The following CFAP99 variants were observed in gnomAD, a reference collection of about 807,000 sequenced individuals.
The protein encoded by CFAP99 is cilia- and flagella-associated protein 99.
A neutral mutation model predicts 82.7 loss-of-function variants in CFAP99; 84 were observed. The ratio of observed to expected loss-of-function variants is 1.02; its 90% CI spans 0.85 to 1.22. The LOEUF (loss-of-function observed/expected upper bound fraction) is 1.22. Among genes scored for constraint, CFAP99 ranks in the 50% most tolerant of loss-of-function variants. The probability of loss-of-function intolerance (pLI) is 0.00; values close to 1 mark genes in which losing one functional copy is unlikely to be tolerated. For missense variants in CFAP99, 1,059 were observed against 983.5 expected, an observed-to-expected ratio of 1.08 and a Z score of -1.03; for synonymous variants, 456 against 429.5, an observed-to-expected ratio of 1.06 and a Z score of -0.76.
At chr4:2,430,053 ACG>A in intron 2 of CFAP99, among the ~76,000 whole-genome samples, 1 of 152,030 alleles carries the variant, frequency 6.6e-6, no homozygotes, top group Non-Finnish European at 1.5e-5. Flanking sequence ...CCAGAAAATT[ACG>A]CAATACATAA....
chr4:2,462,792 G>T lies in CFAP99; in HGVS notation c.2011G>T (p.Ala671Ser). 1 of 1,290,382 alleles carries T rather than the reference G, an allele frequency of 7.7e-7. No homozygotes were observed. Among genetic ancestry groups the T allele is most frequent in the South Asian group, 2.3e-5 (1 of 43,346 alleles). The allele number at this position is 1,290,382 out of a possible 1,614,324, so 79.9% of individuals were successfully genotyped here. ...TGGGGGCGTCCCTGCCCGCGCCGACGCGTTCCCCGGCCTGCAGGCGCAGCT... is the reference window on the plus strand; with the variant it reads ...TGGGGGCGTCCCTGCCCGCGCCGACTCGTTCCCCGGCCTGCAGGCGCAGCT... The change falls in exon 15 of 15, where the codon GCG becomes TCG. Residue 671 changes from alanine (A) to serine (S), a missense_variant. Ala to Ser is a moderately conservative substitution (Grantham distance 99). Transcript: ENST00000635017. The surrounding 1 kb of genome is among the most constrained non-coding windows in gnomAD (Gnocchi z 4.1).
At position 2,442,425 on chromosome 4, in the gene CFAP99, G is replaced by T. The variant is rs539285717; in HGVS notation, c.352-705G>T. ...TCCTCTGCATGGAGAAGAGAAGGGC[G>T]TGGAGGCCCGAGGGGAGGCTGCTGG... On this transcript the variant is annotated intron_variant, in intron 4 of 14. Transcript: ENST00000635017. Among the ~76,000 whole-genome samples the T allele has an allele frequency of 3.3e-5, 5 of 152,224 alleles. No individual in the cohort carries two copies. In the South Asian group the frequency reaches 1.0e-3, roughly 32 times the overall value.
intron 11 of CFAP99, among the ~76,000 whole-genome samples, chr4:2,454,410 T>G (rs989783785): frequency 3.9e-5 from 6 of 152,024 alleles, no homozygotes; most frequent in African/African-American, 1.2e-4. Flanking sequence ...GTGCTGGGAT[T>G]ACAGGTGGAA....
At chr4:2,450,921 G>A (rs983473206) in intron 8 of CFAP99, 26 bp from the exon 9 acceptor site, 47 of 1,534,090 alleles carry the variant, frequency 3.1e-5, no homozygotes, top group Non-Finnish European at 3.8e-5. Flanking sequence ...GGTGCCAGGC[G>A]GCCAGCTCTG....
rs570337708 is a variant in CFAP99 at position 2,425,193 on chromosome 4, G to C, written c.-17-1266G>C. On this transcript the variant is annotated intron_variant, in intron 1 of 14. Transcript: ENST00000635017. ...CCTCTTCTCTTGCATGGCAGTGCCT[G>C]GTTTCTAGGCTTTTTCCTGCCTTGT... is the stretch of plus-strand genomic sequence containing the variant. 3.0e-4 allele frequency among the ~76,000 whole-genome samples: 46 copies of C among 152,298 alleles called. No individual in the cohort carries two copies. The South Asian group carries it at 9.3e-3, about 31-fold the overall frequency.
chr4:2,436,104 T>C (rs1330410382), intron 2 of CFAP99, among the ~76,000 whole-genome samples: 2 of 144,748 alleles, frequency 1.4e-5, no homozygotes, highest in East Asian at 4.0e-4. Context: ...AATCTATATA[T>C]ATGTATATAT....
At position 2,420,718 on chromosome 4, in the gene CFAP99, G is replaced by A. The variant is rs181375750; in HGVS notation, c.-18+1625G>A. Among the ~76,000 whole-genome samples the A allele has an allele frequency of 5.6e-4, 86 of 152,282 alleles. 1 individual carries two copies. The highest frequency in any genetic ancestry group is 4.4e-3 in the South Asian group (21 of 4,812). Reference sequence around the variant, plus strand: ...ATATTACTCATATTTTTATAAAAGAGGTCCATGGAGAGGCAATCGTGGTTG... The same window carrying A: ...ATATTACTCATATTTTTATAAAAGAAGTCCATGGAGAGGCAATCGTGGTTG... On this transcript the variant is annotated intron_variant, in intron 1 of 14. Transcript: ENST00000635017.
chr4:2,454,595 T>TTTTTTTTTTTTTTTTTTTTTTTTTTTC, intron 11 of CFAP99, among the ~76,000 whole-genome samples: 1 of 107,950 alleles, frequency 9.3e-6, no homozygotes, highest in Non-Finnish European at 1.8e-5. Context: ...TTTTTTTTTG[T>TTTTTTTTTTTTTTTTTTTTTTTTTTTC]TTTTTTTTTT....
intron 4 of CFAP99, among the ~76,000 whole-genome samples, chr4:2,441,906 A>T (rs1734050064): frequency 6.6e-6 from 1 of 152,190 alleles, no homozygotes. Flanking sequence ...TGTGGCTCCC[A>T]GGAGGTGGCG....
intron 1 of CFAP99, among the ~76,000 whole-genome samples, chr4:2,425,091 G>A (rs981607703): frequency 6.6e-6 from 1 of 152,088 alleles, no homozygotes; most frequent in African/African-American, 2.4e-5. Flanking sequence ...TATGTTTTTA[G>A]TTCTGTCATC....
intron 1 of CFAP99, among the ~76,000 whole-genome samples, chr4:2,420,846 G>T (rs1191732952): frequency 6.6e-6 from 1 of 152,056 alleles, no homozygotes; most frequent in Non-Finnish European, 1.5e-5. Context: ...CACCTCCTCG[G>T]CCCAGGAACC....
rs1734497946 is a variant in CFAP99, at chr4:2,458,768, G to A, written c.1207G>A (p.Asp403Asn). 3 of 1,535,754 alleles carry A rather than the reference G, an allele frequency of 2.0e-6. No homozygotes were observed. The African/African-American group carries it at 4.1e-5, about 21-fold the overall frequency. The change falls in exon 12 of 15, where the codon GAC becomes AAC. Residue 403 changes from aspartate (D) to asparagine (N), a missense_variant. Transcript: ENST00000635017. ...GCGTGCAGAGAGACGGCTCCGGGAG[G>A]ACAGGTCCAGGAAGGAGCTGGTGGA...
At chr4:2,422,802 A>C (rs539871306) in intron 1 of CFAP99, among the ~76,000 whole-genome samples, 54 of 152,322 alleles carry the variant, frequency 3.5e-4, no homozygotes, top group African/African-American at 1.3e-3. Flanking sequence ...TTTCTCTAGA[A>C]GTAGACCTTT....
At chr4:2,455,668 G>C (rs1173436294) in intron 11 of CFAP99, among the ~76,000 whole-genome samples, 1 of 152,168 alleles carries the variant, frequency 6.6e-6, no homozygotes, top group Non-Finnish European at 1.5e-5. Flanking sequence ...CAGCTTGGGT[G>C]ACAGAGTGAG....
At chr4:2,443,165 C>G in exon 5 of CFAP99, 1 of 1,535,144 alleles carries the variant, frequency 6.5e-7, no homozygotes, top group African/African-American at 1.4e-5. Flanking sequence ...TGCACCTGTG[C>G]TCATGGATCA....
intron 6 of CFAP99, 98 bp downstream of exon 6, chr4:2,445,406 C>T: frequency 1.8e-6 from 2 of 1,111,420 alleles, no homozygotes; most frequent in African/African-American, 1.6e-5. Flanking sequence ...CTGGGCTCCC[C>T]CCAGGGCTGA....
intron 2 of CFAP99, among the ~76,000 whole-genome samples, chr4:2,435,639 T>C (rs1281567686): frequency 6.6e-6 from 1 of 152,142 alleles, no homozygotes; most frequent in East Asian, 1.9e-4. Flanking sequence ...AGAAAACATA[T>C]GAGGCTGGAC....
At position 2,446,079 on chromosome 4, in the gene CFAP99, T is replaced by G. The variant is rs1734157608; in HGVS notation, c.642+771T>G. Among the ~76,000 whole-genome samples the G allele has an allele frequency of 6.6e-6, 1 of 152,204 alleles. No individual in the cohort carries two copies. Among genetic ancestry groups the G allele is most frequent in the African/African-American group, 2.4e-5 (1 of 41,456 alleles). ...TTCTGCAACAGGACTAAGGGCTATA[T>G]GGGAGGGGAAGGGGATGGTGCTGGG... On this transcript the variant is annotated intron_variant, in intron 6 of 14. Coordinates refer to ENST00000635017, the Ensembl canonical transcript of CFAP99. The surrounding 1 kb of genome is among the most constrained non-coding windows in gnomAD (Gnocchi z 5.0).
At chr4:2,452,619 G>A (rs1274204982) in intron 11 of CFAP99, among the ~76,000 whole-genome samples, 1 of 152,206 alleles carries the variant, frequency 6.6e-6, no homozygotes, top group African/African-American at 2.4e-5. Context: ...AGGCCGGCCT[G>A]TATACTCTCT....
Sources: allele counts gnomAD v4.1 joint callset (sites outside exome capture counted in the v4.1 genomes callset), GRCh38; gene constraint gnomAD v4.1.1; non-coding constraint Gnocchi (gnomAD v3.1); transcripts MANE v1.5; gene names NCBI Gene and HGNC (gene_info 2026-07-23, HGNC 2026-07-21).